The following CUBN variants were observed in gnomAD, a reference collection of about 807,000 sequenced individuals.
CUBN encodes the protein 460 kDa receptor.
A neutral mutation model predicts 405.3 loss-of-function variants in CUBN; 282 were observed. The ratio of observed to expected loss-of-function variants is 0.70; its 90% confidence interval spans 0.63 to 0.77. The LOEUF (loss-of-function observed/expected upper bound fraction) is 0.77, where lower values mean the gene tolerates loss of function less well. CUBN is among the 30% of genes least tolerant of loss of function. The pLI, the probability that CUBN is intolerant of heterozygous loss-of-function variation, is 0.00. For missense variants in CUBN, 4,514 were observed against 4,475.2 expected (o/e 1.01, Z -0.25); for synonymous variants, 1,684 against 1,617.0 (o/e 1.04, Z -0.99).
intron 54 of CUBN, among the ~76,000 whole-genome samples, chr10:16,891,412 G>A (rs887474926): frequency 6.6e-6 from 1 of 152,090 alleles, no homozygotes; most frequent in African/African-American, 2.4e-5. Context: ...CCCGATGGCA[G>A]GAAAGGCCGT....
chr10:17,002,000 A>G (rs888513697), intron 28 of CUBN, among the ~76,000 whole-genome samples: 3 of 152,208 alleles, frequency 2.0e-5, no homozygotes, highest in African/African-American at 7.2e-5. Flanking sequence ...TTGTGAGACA[A>G]TGCTGCTGCC....
At chr10:17,116,292 T>C (rs560148477) in intron 6 of CUBN, among the ~76,000 whole-genome samples, 1 of 152,316 alleles carries the variant, frequency 6.6e-6, no homozygotes, top group South Asian at 2.1e-4. Context: ...TTTTAAGCCC[T>C]TGTCATTGTT....
chr10:16,862,158 T>TGTCACA (rs1840034473), intron 59 of CUBN, among the ~76,000 whole-genome samples: 3 of 90,794 alleles, frequency 3.3e-5, no homozygotes, highest in Non-Finnish European at 6.0e-5. Context: ...TCTCTCTCTC[T>TGTCACA]CTCACACACA....
At chr10:17,000,883 G>A (rs1025487686) in intron 28 of CUBN, among the ~76,000 whole-genome samples, 3 of 152,204 alleles carry the variant, frequency 2.0e-5, no homozygotes, top group Non-Finnish European at 2.9e-5. Flanking sequence ...GATTGTGTTC[G>A]GAATTGGTTT....
chr10:16,933,422 A>G (rs1842417140), intron 39 of CUBN, 138 bp from the exon 40 acceptor site: 1 of 757,602 alleles, frequency 1.3e-6, no homozygotes, highest in Non-Finnish European at 2.2e-6. Context: ...ATCAATGAAT[A>G]TCGTATGTAA....
intron 6 of CUBN, 68 bp from the exon 7 acceptor site, chr10:17,115,665 A>C: frequency 2.1e-5 from 33 of 1,540,784 alleles, no homozygotes; most frequent in Non-Finnish European, 2.8e-5. Context: ...TCTTAATATC[A>C]ATGAGAAAAA....
At chr10:16,957,631 A>G (rs1843103427) in intron 31 of CUBN, among the ~76,000 whole-genome samples, 1 of 152,210 alleles carries the variant, frequency 6.6e-6, no homozygotes, top group Non-Finnish European at 1.5e-5. Flanking sequence ...TATTGATGGG[A>G]ATGTAAATTG....
intron 60 of CUBN, among the ~76,000 whole-genome samples, chr10:16,850,213 G>C (rs1839645399): frequency 6.6e-6 from 1 of 152,124 alleles, no homozygotes; most frequent in African/African-American, 2.4e-5. Context: ...GCATTCATTA[G>C]CGCTTAAATG....
chr10:16,885,918 C>T (rs534599019), intron 56 of CUBN, among the ~76,000 whole-genome samples: 29 of 152,324 alleles, frequency 1.9e-4, no homozygotes, highest in African/African-American at 6.7e-4. Flanking sequence ...AGAAAATAAG[C>T]ATCTCGAATA....
intron 7 of CUBN, among the ~76,000 whole-genome samples, chr10:17,114,406 T>G (rs915966730): frequency 6.6e-6 from 1 of 152,144 alleles, no homozygotes; most frequent in East Asian, 1.9e-4. Context: ...CAAGCTATAA[T>G]TTCTCCCAAA....
At chr10:17,062,520 G>C (rs780019122) in intron 22 of CUBN, among the ~76,000 whole-genome samples, 12 of 152,142 alleles carry the variant, frequency 7.9e-5, no homozygotes, top group African/African-American at 2.9e-4. Context: ...TAAGAACTTC[G>C]TAAGAGTTTT....
intron 60 of CUBN, among the ~76,000 whole-genome samples, chr10:16,845,027 A>T (rs1839473897): frequency 6.6e-6 from 1 of 152,232 alleles, no homozygotes; most frequent in Non-Finnish European, 1.5e-5. Context: ...TATTTTCTCA[A>T]CTTTTAGAAA....
At chr10:16,962,107 G>T (rs375893296) in intron 31 of CUBN, among the ~76,000 whole-genome samples, 7 of 152,286 alleles carry the variant, frequency 4.6e-5, no homozygotes, top group African/African-American at 1.4e-4. Flanking sequence ...GGGACAAGTT[G>T]CCCCCTTCTC....
intron 40 of CUBN, 33 bp from the exon 41 acceptor site, chr10:16,928,336 A>G (rs1842256839): frequency 6.2e-7 from 1 of 1,610,912 alleles, no homozygotes; most frequent in African/African-American, 1.3e-5. Context: ...ACATGAAAAT[A>G]CATCTTGAGA....
At chr10:17,073,201 T>A (rs929242447) in intron 17 of CUBN, among the ~76,000 whole-genome samples, 2 of 152,118 alleles carry the variant, frequency 1.3e-5, no homozygotes, top group African/African-American at 2.4e-5. Context: ...CTAAACACAG[T>A]TCTAGAAAAA....
chr10:17,103,169 G>A lies in CUBN; in HGVS notation c.1486C>T (p.His496Tyr). ...SYRSPDVGYV[H>Y]DVNCFWVIKT... is the part of the protein sequence containing the mutation. ...ATAACCCAGAAGCAGTTAACATCAT[G>A]AACATAACCAACATCCGGGCTCCTG... Residue 496 changes from histidine (H) to tyrosine (Y), a missense_variant, in exon 13 of 67, where the codon CAT (histidine) becomes TAT (tyrosine). Transcript: ENST00000377833. 1 of 1,613,800 alleles carries A rather than the reference G, an allele frequency of 6.2e-7. No individual in the cohort carries two copies. Among genetic ancestry groups the A allele is most frequent in the Non-Finnish European group, 8.5e-7 (1 of 1,179,836 alleles).
In CUBN at chr10:17,001,967, G is replaced by T. The variant is rs918564453; in HGVS notation, c.4169-11452C>A. Among the ~76,000 whole-genome samples the T allele has an allele frequency of 2.0e-5, 3 of 152,276 alleles. No individual in the cohort carries two copies. The East Asian group carries it at 5.8e-4, about 29-fold the overall frequency. ...CTAACTCTTATAAGTGGTAGTTACTGTCCTCCACCAGATTTGTTCTGTTTG... is the reference window on the plus strand; with the variant it reads ...CTAACTCTTATAAGTGGTAGTTACTTTCCTCCACCAGATTTGTTCTGTTTG... On this transcript the variant is annotated intron_variant, in intron 28 of 66. Coordinates refer to ENST00000377833, the MANE Select transcript of CUBN (RefSeq NM_001081.4).
At position 16,869,946 on chromosome 10, in the gene CUBN, A is replaced by G. The variant is rs562993801; in HGVS notation, c.9237-93T>C. ...TTGCAAAAAAAATGACAAGGAAAAAACTACCAGTAGAGCATTCAAAACTCA... is the reference window on the plus strand; with the variant it reads ...TTGCAAAAAAAATGACAAGGAAAAAGCTACCAGTAGAGCATTCAAAACTCA... On this transcript the variant is annotated intron_variant, in intron 58 of 66. Coordinates refer to ENST00000377833, the MANE Select transcript of CUBN (RefSeq NM_001081.4). The G allele has an allele frequency of 4.7e-6, 4 of 860,082 alleles. No individual in the cohort carries two copies. In the African/African-American group the frequency reaches 5.0e-5, roughly 11 times the overall value. The allele number at this position is 860,082 out of a possible 1,614,324, so 53.3% of individuals were successfully genotyped here. A position where few individuals can be genotyped will look rare whatever the true frequency, so the allele number is the denominator to read the frequency against.
At chr10:16,876,807 G>C (rs1840516636) in intron 57 of CUBN, 90 bp downstream of exon 57, 4 of 1,098,200 alleles carry the variant, frequency 3.6e-6, no homozygotes, top group East Asian at 4.7e-5. Flanking sequence ...GAATCTTCAA[G>C]TTAGTGCTGT....
Sources: gnomAD v4.1 joint callset for allele counts (sites outside exome capture counted in the v4.1 genomes callset) on GRCh38, gnomAD v4.1.1 for gene constraint, MANE v1.5 for transcripts, NCBI Gene and HGNC (gene_info 2026-07-23, HGNC 2026-07-21) for gene names.